Variants in HDAC4 observed in about 807,000 individuals in gnomAD.
HDAC4 encodes histone deacetylase 4.
Under a neutral mutation model 135.1 loss-of-function variants are expected in HDAC4, and 16 were observed. That is an observed-to-expected ratio of 0.12 (90% CI 0.08 to 0.18). HDAC4 has a LOEUF of 0.18. Ranked by LOEUF, HDAC4 falls within the 10% of genes least tolerant of loss-of-function variation. The probability of loss-of-function intolerance (pLI) is 1.00; values close to 1 mark genes in which losing one functional copy is unlikely to be tolerated. For synonymous variants in HDAC4, 685 were observed against 653.4 expected, an observed-to-expected ratio of 1.05 and a Z score of -0.74; for missense variants, 1,143 against 1,511.8, an observed-to-expected ratio of 0.76 and a Z score of 4.05.
intron 3 of HDAC4, among the ~76,000 whole-genome samples, chr2:239,199,514 T>G (rs1335133774): frequency 1.3e-5 from 2 of 150,692 alleles, no homozygotes; most frequent in African/African-American, 4.8e-5. Flanking sequence ...CTTCCTCGGT[T>G]TGCCCATGTC....
chr2:239,064,450 C>T (rs2033207333), intron 24 of HDAC4, among the ~76,000 whole-genome samples: 1 of 152,042 alleles, frequency 6.6e-6, no homozygotes, highest in Non-Finnish European at 1.5e-5. Flanking sequence ...AGTCCCAGGT[C>T]CCACCTCCGC....
At chr2:239,054,559 T>G (rs1023970844) in intron 25 of HDAC4, among the ~76,000 whole-genome samples, 190 bp downstream of exon 25, 7 of 152,026 alleles carry the variant, frequency 4.6e-5, no homozygotes, top group African/African-American at 1.5e-4. Context: ...GGAAATCCAG[T>G]CGGGGTTAAA....
At chr2:239,094,190 C>T (rs767297348) in intron 17 of HDAC4, 59 of 985,354 alleles carry the variant, frequency 6.0e-5, no homozygotes, top group Non-Finnish European at 6.3e-5. Context: ...CATGATGGCC[C>T]GGATCTGCTC....
rs1575731971 is a variant in HDAC4, at chr2:239,349,169, A to G, written c.22+3509T>C. On this transcript the variant is annotated intron_variant, in intron 2 of 26. Coordinates refer to ENST00000543185, the MANE Select transcript of HDAC4 (RefSeq NM_001378414.1). This position sits in a 1 kb window ranked among gnomAD's most constrained non-coding sequence, Gnocchi z 5.7. ...CCAGATGGGCAGGCAAGGGTGAGCC[A>G]GGCAGGCAAGAGTGAGCCGGGTGGG... Among the ~76,000 whole-genome samples, 1 of 152,160 alleles carries G rather than the reference A, an allele frequency of 6.6e-6. No individual in the cohort carries two copies. The highest frequency in any genetic ancestry group is 2.1e-4 in the South Asian group (1 of 4,834).
Position 239,081,206 on chromosome 2 carries a change from G to A in HDAC4, c.2653-14C>T, listed in dbSNP as rs201827195. The A allele has an allele frequency of 1.7e-3, 2,679 of 1,607,826 alleles. 2 individuals are homozygous for A. The highest frequency in any genetic ancestry group is 2.1e-3 in the Non-Finnish European group (2,466 of 1,176,178). ...CCCTGTGCCCACCTGTGGCCAGAAG[G>A]AGAGAAACACACGTCATGGACCCCG... is the stretch of plus-strand genomic sequence containing the variant. On this transcript the variant is annotated splice_polypyrimidine_tract_variant and intron_variant, in intron 21 of 26. Coordinates refer to ENST00000543185, the MANE Select transcript of HDAC4 (RefSeq NM_001378414.1).
intron 6 of HDAC4, among the ~76,000 whole-genome samples, chr2:239,157,395 C>G (rs2042493096): frequency 6.6e-6 from 1 of 152,196 alleles, no homozygotes; most frequent in African/African-American, 2.4e-5. Flanking sequence ...ACCCTGTGCC[C>G]AGGGAGCTGA....
intron 13 of HDAC4, among the ~76,000 whole-genome samples, chr2:239,112,337 G>A (rs113269838): frequency 0.035 from 5,271 of 152,302 alleles, 282 homozygotes; most frequent in African/African-American, 0.12. Context: ...CCAAACTTGG[G>A]CGAGAAAGCA....
chr2:239,277,088 C>CTCCT (rs2050413648), intron 2 of HDAC4, among the ~76,000 whole-genome samples: 1 of 151,750 alleles, frequency 6.6e-6, no homozygotes, highest in Non-Finnish European at 1.5e-5. Context: ...TTTTGCAATT[C>CTCCT]TCTTAACCAT....
chr2:239,127,748 G>A (rs1288574165), intron 11 of HDAC4, among the ~76,000 whole-genome samples: 2 of 152,244 alleles, frequency 1.3e-5, no homozygotes, highest in Non-Finnish European at 2.9e-5. Flanking sequence ...CCTGCTGCCA[G>A]GCGGGGCTAC....
In HDAC4 at chr2:239,111,732, G is replaced by A. The variant is rs186886359; in HGVS notation, c.1792-20C>T. 6.7e-5 allele frequency: 105 copies of A among 1,575,920 alleles called. No homozygotes were observed. In the East Asian group the frequency reaches 1.9e-3, roughly 29 times the overall value. On this transcript the variant is annotated intron_variant, in intron 13 of 26. Transcript: ENST00000543185. ...GGCTTGCTGCGGGGAAGAAACGGCC[G>A]TGTTGGCGGTTGCGGATGTCTCCCG...
At position 239,352,814 on chromosome 2, in the gene HDAC4, G is replaced by C. The variant is rs1475409707; in HGVS notation, c.-115C>G. The C allele has an allele frequency of 9.3e-7, 1 of 1,079,446 alleles. No homozygotes were observed. The highest frequency in any genetic ancestry group is 2.6e-5 in the East Asian group (1 of 38,510). The allele number at this position is 1,079,446 out of a possible 1,614,324, so 66.9% of individuals were successfully genotyped here. ...ACACATACAAGTACCGGGACGGTGA[G>C]GGCTGGGTCACAGACGTTCAAGCGC... On this transcript the variant is annotated 5_prime_UTR_variant, in exon 2 of 27. Transcript: ENST00000543185. This position sits in a 1 kb window ranked among gnomAD's most constrained non-coding sequence, Gnocchi z 4.4.
intron 7 of HDAC4, among the ~76,000 whole-genome samples, chr2:239,151,240 T>C (rs1432196251): frequency 6.6e-6 from 1 of 152,222 alleles, no homozygotes; most frequent in East Asian, 1.9e-4. Flanking sequence ...TGATGAGCTG[T>C]GGGACTTGAC....
At chr2:239,318,624 C>T (rs750181283) in intron 2 of HDAC4, among the ~76,000 whole-genome samples, 2 of 150,128 alleles carry the variant, frequency 1.3e-5, no homozygotes, top group Non-Finnish European at 2.9e-5. Flanking sequence ...TCTGAGGCAA[C>T]ATGGCCTGGA....
chr2:239,227,362 C>T (rs2047300487), intron 3 of HDAC4, among the ~76,000 whole-genome samples: 1 of 152,062 alleles, frequency 6.6e-6, no homozygotes, highest in Non-Finnish European at 1.5e-5. Flanking sequence ...AGCATGGGGG[C>T]AGGGCAGGCA....
At chr2:239,075,480 G>A (rs1481733413) in intron 22 of HDAC4, among the ~76,000 whole-genome samples, 1 of 152,182 alleles carries the variant, frequency 6.6e-6, no homozygotes, top group Non-Finnish European at 1.5e-5. Flanking sequence ...CTTTAGAGAA[G>A]GTGGACAAAT....
At chr2:239,271,963 A>C (rs1254313695) in intron 2 of HDAC4, among the ~76,000 whole-genome samples, 1 of 152,210 alleles carries the variant, frequency 6.6e-6, no homozygotes, top group Non-Finnish European at 1.5e-5. Flanking sequence ...CCAGATTCCA[A>C]CAAACTCTGC....
chr2:239,368,240 C>T (rs1324294996), intron 1 of HDAC4, among the ~76,000 whole-genome samples: 1 of 152,008 alleles, frequency 6.6e-6, no homozygotes, highest in Non-Finnish European at 1.5e-5. Flanking sequence ...GTGTTCCAAC[C>T]CTCTTCCTTC....
rs1339132160 is a variant in HDAC4, at chr2:239,138,786, C to T, written c.978+898G>A. ...TGCCTGCCTGGTTCTGTCCCTGGGC[C>T]TGGCACAAGGCGCTCGGGACACGTG... On this transcript the variant is annotated intron_variant, in intron 9 of 26. Coordinates refer to ENST00000543185, the MANE Select transcript of HDAC4 (RefSeq NM_001378414.1). Among the ~76,000 whole-genome samples, 4 of 152,296 alleles carry T rather than the reference C, an allele frequency of 2.6e-5. No homozygotes were observed. The East Asian group carries it at 7.7e-4, about 29-fold the overall frequency.
intron 2 of HDAC4, among the ~76,000 whole-genome samples, chr2:239,312,869 T>C (rs1430331848): frequency 6.6e-6 from 1 of 152,200 alleles, no homozygotes; most frequent in Non-Finnish European, 1.5e-5. Context: ...GTTCCCCCAG[T>C]GTCTTCATCT....
Sources: gnomAD v4.1 joint callset for allele counts (sites outside exome capture counted in the v4.1 genomes callset) on GRCh38, gnomAD v4.1.1 for gene constraint, Gnocchi (gnomAD v3.1) non-coding constraint, MANE v1.5 for transcripts, NCBI Gene and HGNC (gene_info 2026-07-23, HGNC 2026-07-21) for gene names.